The following DOCK9 variants were observed in gnomAD, a reference collection of about 807,000 sequenced individuals.
The protein encoded by DOCK9 is dedicator of cytokinesis 9, also known as dedicator of cytokinesis protein 9.
DOCK9 carries 89 observed loss-of-function variants against 263.3 expected under a neutral mutation model. That is an observed-to-expected ratio of 0.34 (90% CI 0.28 to 0.40). The LOEUF is 0.40. Among genes scored for constraint, DOCK9 ranks in the 10% least tolerant of loss-of-function variants. DOCK9 has a pLI of 1.00. For missense variants in DOCK9, 2,140 were observed against 2,603.4 expected (o/e 0.82, Z 3.87); for synonymous variants, 976 against 973.1 (o/e 1.00, Z -0.06).
At chr13:98,885,940 G>T in intron 19 of DOCK9, 109 bp from the exon 20 acceptor site, 2 of 1,042,340 alleles carry the variant, frequency 1.9e-6, no homozygotes, top group Non-Finnish European at 1.3e-6. Flanking sequence ...CTTGTTCTCC[G>T]AGCGGATATT....
At chr13:98,912,625 A>G (rs1424484296) in intron 9 of DOCK9, among the ~76,000 whole-genome samples, 1 of 152,018 alleles carries the variant, frequency 6.6e-6, no homozygotes, top group African/African-American at 2.4e-5. Flanking sequence ...ATATATGTAT[A>G]TCTTAAAAAA....
Position 98,881,930 on chromosome 13 carries a change from G to A in DOCK9, c.2637C>T (p.Thr879=), listed in dbSNP as rs940234133. 7.5e-6 allele frequency: 12 copies of A among 1,596,554 alleles called. No homozygotes were observed. Among genetic ancestry groups the A allele is most frequent in the Admixed American group, 1.7e-5 (1 of 57,592 alleles). The change falls in exon 24 of 53, where the codon ACC becomes ACT. Residue 879 remains threonine (T), a synonymous_variant. Coordinates refer to ENST00000682017, the MANE Select transcript of DOCK9 (RefSeq NM_001366683.2). ...CCGCGACTTCTTCCTGTGTGGCTCT[G>A]GTGAGGACTCGGAACAGCTGGTTTA... ...TILNQLFRVL[T]RATQEEVAVN...
chr13:99,087,531 G>T (rs943829619), upstream of DOCK9, among the ~76,000 whole-genome samples: 2 of 152,182 alleles, frequency 1.3e-5, no homozygotes, highest in Non-Finnish European at 2.9e-5. Context: ...CAGAGCTGGC[G>T]GCCGCTAGCG....
chr13:98,885,605 T>G (rs2045579747), intron 20 of DOCK9, 103 bp downstream of exon 20: 7 of 1,313,998 alleles, frequency 5.3e-6, no homozygotes, highest in Non-Finnish European at 7.2e-6. Context: ...AAAATTCATT[T>G]AAAGATCCCT....
chr13:99,081,504 G>C (rs1275868923), intron 1 of DOCK9, among the ~76,000 whole-genome samples: 1 of 152,230 alleles, frequency 6.6e-6, no homozygotes, highest in Non-Finnish European at 1.5e-5. Context: ...AGTGAGATAA[G>C]ATCAGTAAGG....
chr13:98,846,595 T>C, intron 37 of DOCK9: 1 of 1,346,566 alleles, frequency 7.4e-7, no homozygotes, highest in Non-Finnish European at 9.8e-7. Flanking sequence ...AAGAGTGATT[T>C]GGGTTAGCAA....
At position 98,808,303 on chromosome 13, in the gene DOCK9, C is replaced by T. The variant is rs189929469; in HGVS notation, c.5368-496G>A. On this transcript the variant is annotated intron_variant, in intron 47 of 52. Coordinates refer to ENST00000682017, the MANE Select transcript of DOCK9 (RefSeq NM_001366683.2). ...TTGTATAAATTGTATTTTGCTTTAC[C>T]GATGAGAAAAAAATATTAAAGACCT... Among the ~76,000 whole-genome samples, 239 of 151,852 alleles carry T rather than the reference C, an allele frequency of 1.6e-3. 1 individual carries two copies. Among genetic ancestry groups the T allele is most frequent in the Admixed American group, 5.3e-3 (81 of 15,250 alleles).
chr13:99,072,377 T>C (rs544184515), intron 1 of DOCK9, among the ~76,000 whole-genome samples: 2 of 152,274 alleles, frequency 1.3e-5, no homozygotes, highest in East Asian at 3.9e-4. Context: ...CTTCATTGTC[T>C]TTGGTGTTGA....
chr13:98,834,717 A>G (rs895943825), intron 39 of DOCK9: 1 of 152,246 alleles, frequency 6.6e-6, no homozygotes, highest in Non-Finnish European at 1.5e-5. Flanking sequence ...TGTTTATAAA[A>G]CAAACCCTTT....
At chr13:98,822,458 G>A (rs2092328988) in intron 45 of DOCK9, among the ~76,000 whole-genome samples, 2 of 152,330 alleles carry the variant, frequency 1.3e-5, no homozygotes, top group Middle Eastern at 3.4e-3. Flanking sequence ...TGGCATCGTT[G>A]CTTTCCTTAT....
intron 45 of DOCK9, among the ~76,000 whole-genome samples, chr13:98,823,125 T>G (rs1160247109): frequency 6.8e-6 from 1 of 147,704 alleles, no homozygotes; most frequent in Non-Finnish European, 1.5e-5. Context: ...AAGGATATTT[T>G]TTCCAAAAAA....
At chr13:99,079,969 G>A (rs1318198874) in intron 1 of DOCK9, among the ~76,000 whole-genome samples, 2 of 152,184 alleles carry the variant, frequency 1.3e-5, no homozygotes, top group Non-Finnish European at 2.9e-5. Flanking sequence ...GAGCCCGGAA[G>A]GCAGAGGTTG....
chr13:98,862,684 T>A (rs1185310099), intron 32 of DOCK9, among the ~76,000 whole-genome samples: 1 of 134,574 alleles, frequency 7.4e-6, no homozygotes, highest in African/African-American at 2.7e-5. Context: ...GCAAGACTTA[T>A]CTTGGGGAAA....
chr13:99,019,126 A>G (rs1045907442), intron 1 of DOCK9, among the ~76,000 whole-genome samples: 1 of 152,192 alleles, frequency 6.6e-6, no homozygotes, highest in Non-Finnish European at 1.5e-5. Flanking sequence ...GAAAGAAGCC[A>G]GGCACCAAAG....
chr13:98,967,806 C>T (rs1180883149), intron 1 of DOCK9, among the ~76,000 whole-genome samples: 1 of 152,166 alleles, frequency 6.6e-6, no homozygotes, highest in Admixed American at 6.5e-5. Context: ...TATTAAAAAT[C>T]CTACTCCAAA....
rs2092683815 is a variant in DOCK9 at position 98,829,674 on chromosome 13, T to C, written c.4718A>G (p.Asn1573Ser). ...AAGCCGGTCACTGTTGGCACAGTTG[T>C]TGATGATGGACAGGGACTGCTGGAA... ...TRFQQSLSII[N>S]NCANSDRLIK... Residue 1573 changes from asparagine to serine, a missense_variant, in exon 42 of 53, where the codon AAC becomes AGC. By Grantham distance (46) the Asn-to-Ser change is conservative (BLOSUM62 1). Around this residue, in one of 2 missense-constraint regions of DOCK9, gnomAD observed 619 missense variants for 861.8 expected, o/e 0.72. Coordinates refer to ENST00000682017, the MANE Select transcript of DOCK9 (RefSeq NM_001366683.2). The surrounding 1 kb of genome is among the most constrained non-coding windows in gnomAD (Gnocchi z 4.1). The C allele has an allele frequency of 3.1e-6, 5 of 1,609,126 alleles. No individual in the cohort carries two copies.
chr13:98,885,467 G>C, intron 20 of DOCK9: 1 of 545,536 alleles, frequency 1.8e-6, no homozygotes, highest in South Asian at 1.9e-5. Context: ...TAGCCAGTGG[G>C]TGTGGTGCGT....
intron 1 of DOCK9, among the ~76,000 whole-genome samples, chr13:99,043,663 C>A (rs939862939): frequency 6.6e-6 from 1 of 152,102 alleles, no homozygotes; most frequent in South Asian, 2.1e-4. Context: ...TCTTGTCCAC[C>A]GGGGTAAGGG....
At position 98,860,411 on chromosome 13, in the gene DOCK9, C is replaced by T. The variant is rs374594982; in HGVS notation, c.3691G>A (p.Gly1231Ser). The T allele has an allele frequency of 1.1e-5, 18 of 1,584,690 alleles. No homozygotes were observed. Among genetic ancestry groups the T allele is most frequent in the South Asian group, 4.6e-5 (4 of 86,528 alleles). ...CAAGAGCATGGAGCGTTACCAATGCCGGAGATGGCGCCCAGCAGGTCCTTG... is the reference window on the plus strand; with the variant it reads ...CAAGAGCATGGAGCGTTACCAATGCTGGAGATGGCGCCCAGCAGGTCCTTG... ...LHKDLLGAISGIASPYTTSTP... is the reference protein window; with the variant it reads ...LHKDLLGAISSIASPYTTSTP... The change falls in exon 33 of 53, where the codon GGC becomes AGC. Residue 1231 changes from glycine to serine, a missense_variant. By Grantham distance (56) the Gly-to-Ser change is moderately conservative. Around this residue, in one of 2 missense-constraint regions of DOCK9, gnomAD observed 1,521 missense variants for 1,741.7 expected, o/e 0.87. Coordinates refer to ENST00000682017, the MANE Select transcript of DOCK9 (RefSeq NM_001366683.2).
Sources: gnomAD v4.1 joint callset for allele counts (sites outside exome capture counted in the v4.1 genomes callset) on GRCh38, gnomAD v4.1.1 for gene constraint, gnomAD v4.1.1 regional missense constraint, Gnocchi (gnomAD v3.1) non-coding constraint, MANE v1.5 for transcripts, NCBI Gene and HGNC (gene_info 2026-07-23, HGNC 2026-07-21) for gene names.